Variants in ADAMTS12 observed in about 807,000 individuals in gnomAD.
ADAMTS12 encodes the protein ADAM metallopeptidase with thrombospondin type 1 motif 12.
A neutral mutation model predicts 167.8 loss-of-function variants in ADAMTS12; 118 were observed. That is an observed-to-expected ratio of 0.70 (90% CI 0.61 to 0.82). ADAMTS12 has a LOEUF of 0.82. Ranked by LOEUF, ADAMTS12 falls within the 40% of genes least tolerant of loss-of-function variation. The pLI, the probability that ADAMTS12 is intolerant of heterozygous loss-of-function variation, is 0.00. For synonymous variants in ADAMTS12, 704 were observed against 716.9 expected (o/e 0.98, Z 0.29); for missense variants, 1,916 against 1,998.8 (o/e 0.96, Z 0.79).
At chr5:33,553,801 C>G (rs1745369169) in intron 20 of ADAMTS12, among the ~76,000 whole-genome samples, 1 of 152,122 alleles carries the variant, frequency 6.6e-6, no homozygotes, top group South Asian at 2.1e-4. Flanking sequence ...TAATCTGTAC[C>G]AGAAACCCCT....
intron 9 of ADAMTS12, among the ~76,000 whole-genome samples, chr5:33,647,621 C>T (rs556256828): frequency 6.6e-6 from 1 of 152,292 alleles, no homozygotes; most frequent in South Asian, 2.1e-4. Context: ...ATCCCAGCTA[C>T]TTGGGAGGCT....
chr5:33,682,876 C>T (rs1215378526), intron 5 of ADAMTS12, 142 bp downstream of exon 5: 5 of 630,148 alleles, frequency 7.9e-6, no homozygotes, highest in Non-Finnish European at 1.1e-5. Context: ...AAGGGAATAA[C>T]ACAGAAATAA....
intron 16 of ADAMTS12, among the ~76,000 whole-genome samples, chr5:33,611,795 G>A (rs1054186349): frequency 1.3e-4 from 20 of 152,110 alleles, no homozygotes; most frequent in African/African-American, 4.8e-4. Flanking sequence ...ACATGAAAAA[G>A]TATCCGTATT....
In ADAMTS12 at chr5:33,751,547, G is replaced by T; in HGVS notation, c.491C>A (p.Thr164Asn). ...TCCATGTGGTAGTTGGAAAAATCCAGTCTGTAAATACATTCAGTAAGAAAG... is the reference window on the plus strand; with the variant it reads ...TCCATGTGGTAGTTGGAAAAATCCATTCTGTAAATACATTCAGTAAGAAAG... ...TAALSACHGLTGFFQLPHGDF... is the reference protein window; with the variant it reads ...TAALSACHGLNGFFQLPHGDF... The change falls in exon 3 of 24, where the codon ACT (threonine) becomes AAT (asparagine). Residue 164 changes from threonine (T) to asparagine (N), a missense_variant and splice_region_variant. Physicochemically the swap from Thr to Asn is moderately conservative, Grantham distance 65. Transcript: ENST00000504830. 1 of 1,613,626 alleles carries T rather than the reference G, an allele frequency of 6.2e-7. No individual in the cohort carries two copies. Among genetic ancestry groups the T allele is most frequent in the Non-Finnish European group, 8.5e-7 (1 of 1,179,846 alleles).
intron 5 of ADAMTS12, among the ~76,000 whole-genome samples, chr5:33,673,761 AC>A (rs538787564): frequency 1.3e-5 from 2 of 152,192 alleles, no homozygotes; most frequent in Non-Finnish European, 2.9e-5. Flanking sequence ...TGCTTTAGCA[AC>A]AACTGCTTGT....
At chr5:33,762,074 C>A (rs1475885469) in intron 2 of ADAMTS12, among the ~76,000 whole-genome samples, 1 of 152,112 alleles carries the variant, frequency 6.6e-6, no homozygotes, top group Non-Finnish European at 1.5e-5. Flanking sequence ...CGCCTGTAGT[C>A]CCAGCTACTC....
intron 5 of ADAMTS12, among the ~76,000 whole-genome samples, chr5:33,668,113 A>G (rs1217775104): frequency 1.3e-5 from 2 of 152,196 alleles, no homozygotes; most frequent in African/African-American, 2.4e-5. Flanking sequence ...TCAAAATATC[A>G]TAAGTCGAAA....
chr5:33,711,541 A>G (rs1393535525), intron 3 of ADAMTS12, among the ~76,000 whole-genome samples: 1 of 152,096 alleles, frequency 6.6e-6, no homozygotes, highest in Non-Finnish European at 1.5e-5. Flanking sequence ...TTCCAAACTC[A>G]CTGCATGATG....
At chr5:33,572,824 C>T (rs1426014296) in intron 19 of ADAMTS12, among the ~76,000 whole-genome samples, 11 of 139,810 alleles carry the variant, frequency 7.9e-5, no homozygotes, top group African/African-American at 1.1e-4. Context: ...TGTTTGCAGA[C>T]GACATGATTG....
chr5:33,701,447 T>G (rs1742999259), intron 3 of ADAMTS12, among the ~76,000 whole-genome samples: 1 of 152,194 alleles, frequency 6.6e-6, no homozygotes. Flanking sequence ...TATTCACTTC[T>G]TTCTCTTGAG....
At chr5:33,879,813 A>T (rs1490024855) in intron 2 of ADAMTS12, among the ~76,000 whole-genome samples, 1 of 152,234 alleles carries the variant, frequency 6.6e-6, no homozygotes, top group African/African-American at 2.4e-5. Flanking sequence ...AACTCCAGAG[A>T]TACAAGATAA....
At chr5:33,658,412 A>G in intron 6 of ADAMTS12, 79 bp from the exon 7 acceptor site, 1 of 1,540,894 alleles carries the variant, frequency 6.5e-7, no homozygotes, top group Non-Finnish European at 8.9e-7. Flanking sequence ...CTGGGTATAA[A>G]CTCACATTCA....
At chr5:33,848,817 T>C (rs996553110) in intron 2 of ADAMTS12, among the ~76,000 whole-genome samples, 12 of 152,018 alleles carry the variant, frequency 7.9e-5, no homozygotes, top group African/African-American at 2.9e-4. Flanking sequence ...GAAGAGAAAA[T>C]ATGAATCTAG....
intron 2 of ADAMTS12, among the ~76,000 whole-genome samples, chr5:33,872,704 C>T (rs1361389481): frequency 6.6e-6 from 1 of 152,186 alleles, no homozygotes; most frequent in East Asian, 1.9e-4. Context: ...CCAGCTATGG[C>T]TAAAAGGGAC....
chr5:33,661,803 C>T (rs1435315284), intron 6 of ADAMTS12, 113 bp downstream of exon 6: 16 of 1,450,200 alleles, frequency 1.1e-5, no homozygotes, highest in Middle Eastern at 2.5e-4. Flanking sequence ...ACTGTCTTTA[C>T]AAGAGCAGCA....
chr5:33,842,696 C>T (rs1748788926), intron 2 of ADAMTS12, among the ~76,000 whole-genome samples: 1 of 152,172 alleles, frequency 6.6e-6, no homozygotes, highest in African/African-American at 2.4e-5. Context: ...GACAGTCTCT[C>T]CATCTAAGCC....
At chr5:33,571,306 C>T (rs1344543680) in intron 19 of ADAMTS12, among the ~76,000 whole-genome samples, 11 of 152,024 alleles carry the variant, frequency 7.2e-5, no homozygotes, top group Non-Finnish European at 1.3e-4. Context: ...TTTTTCAGCA[C>T]CACACCACAC....
At chr5:33,837,248 A>G (rs533499534) in intron 2 of ADAMTS12, among the ~76,000 whole-genome samples, 2 of 152,314 alleles carry the variant, frequency 1.3e-5, no homozygotes, top group South Asian at 4.1e-4. Flanking sequence ...TATTTTTGTC[A>G]TTACTTTTAA....
At chr5:33,569,490 T>C (rs1746198526) in intron 19 of ADAMTS12, among the ~76,000 whole-genome samples, 1 of 152,234 alleles carries the variant, frequency 6.6e-6, no homozygotes, top group African/African-American at 2.4e-5. Flanking sequence ...CAAACGGGTC[T>C]GGAGTGGACC....
Sources: gnomAD v4.1 joint callset for allele counts (sites outside exome capture counted in the v4.1 genomes callset) on GRCh38, gnomAD v4.1.1 for gene constraint, MANE v1.5 for transcripts, NCBI Gene and HGNC (gene_info 2026-07-23, HGNC 2026-07-21) for gene names.